Variants in DDX54 observed in about 807,000 individuals in gnomAD.
DDX54 encodes DEAD-box helicase 54, also known as ATP-dependent RNA helicase DDX54.
A neutral mutation model predicts 105.5 loss-of-function variants in DDX54; 67 were observed. That is an observed-to-expected ratio of 0.64 (90% confidence interval 0.52 to 0.78). The LOEUF is 0.78. Ranked by LOEUF, DDX54 falls within the 30% of genes least tolerant of loss-of-function variation. DDX54 has a pLI of 0.00. For missense variants in DDX54, 1,206 were observed against 1,230.5 expected (o/e 0.98, Z 0.30); for synonymous variants, 514 against 509.9 (o/e 1.01, Z -0.11).
intron 14 of DDX54, among the ~76,000 whole-genome samples, chr12:113,164,751 C>T (rs1952253316): frequency 1.3e-5 from 2 of 151,810 alleles, no homozygotes; most frequent in South Asian, 4.2e-4. Context: ...GAGACCCAGG[C>T]CAGGCACCGT....
Position 113,165,710 on chromosome 12 carries a change from AC to A in DDX54, c.1652del (p.Arg551LeufsTer10), listed in dbSNP as rs760164281. On this transcript the variant is annotated frameshift_variant, in exon 14 of 20. Coordinates refer to ENST00000306014, the MANE Select transcript of DDX54 (RefSeq NM_024072.4). LOFTEE classifies it high-confidence loss of function. ...GLGLHPLFSS[R>X]FEEEELQRLR... Reference sequence around the variant, plus strand: ...GCCGCTGCAGCTCCTCCTCCTCAAAACGCGAGCCTGGTAGGAAAGCAGCAAG... The same window carrying A: ...GCCGCTGCAGCTCCTCCTCCTCAAAAGCGAGCCTGGTAGGAAAGCAGCAAG... The A allele has an allele frequency of 6.2e-7, 1 of 1,613,260 alleles. No individual in the cohort carries two copies. The highest frequency in any genetic ancestry group is 2.2e-5 in the East Asian group (1 of 44,844).
At chr12:113,181,143 C>A in intron 1 of DDX54, 85 bp from the exon 2 acceptor site, 1 of 1,469,512 alleles carries the variant, frequency 6.8e-7, no homozygotes. Context: ...CTGTTGCCCT[C>A]TCTCCCCCAT....
At position 113,157,182 on chromosome 12, in the gene DDX54, C is replaced by T. The variant is rs1033562455; in HGVS notation, c.*1695G>A. On this transcript the variant is annotated 3_prime_UTR_variant, in exon 20 of 20. Coordinates refer to ENST00000306014, the MANE Select transcript of DDX54 (RefSeq NM_024072.4). ...GTTCACCCTCAAGTTCTAGTTTTTA[C>T]AATGGATCCATGGTATTTATTAAGT... 2 of 163,196 alleles carry T rather than the reference C, an allele frequency of 1.2e-5. No individual in the cohort carries two copies. Among genetic ancestry groups the T allele is most frequent in the African/African-American group, 2.4e-5 (1 of 41,886 alleles). 10.1% of individuals were successfully genotyped at this position (163,196 alleles called of 1,614,324 possible).
intron 19 of DDX54, 52 bp downstream of exon 19, chr12:113,161,218 C>A: frequency 6.8e-7 from 1 of 1,480,250 alleles, no homozygotes; most frequent in South Asian, 1.2e-5. Context: ...CCTAATCTGA[C>A]CACAACTGCT....
chr12:113,172,321 G>A (rs1185282661), intron 11 of DDX54, 32 bp downstream of exon 11: 1 of 1,602,676 alleles, frequency 6.2e-7, no homozygotes, highest in Admixed American at 1.7e-5. Context: ...CGGCACCCCT[G>A]CCTGCCCCAG....
rs754726744 is a variant in DDX54, at chr12:113,163,249, C to T, written c.1964G>A (p.Arg655Gln). The T allele has an allele frequency of 2.5e-5, 40 of 1,610,124 alleles. No individual in the cohort carries two copies. Among genetic ancestry groups the T allele is most frequent in the East Asian group, 1.8e-4 (8 of 44,890 alleles). The change falls in exon 16 of 20, where the codon CGG becomes CAG. Residue 655 changes from arginine (R) to glutamine (Q), a missense_variant. Coordinates refer to ENST00000306014, the MANE Select transcript of DDX54 (RefSeq NM_024072.4). This position sits in a 1 kb window ranked among gnomAD's most constrained non-coding sequence, Gnocchi z 5.9. ...GTTGGGTCCTGACCGCTGCCGCTTC[C>T]GGCCCACGACCTCTGAGAAAATGTC... The part of the protein sequence containing the change: ...VEDIFSEVVG[R>Q]KRQRSGPNRG...
intron 8 of DDX54, 39 bp downstream of exon 8, chr12:113,174,997 C>T: frequency 6.2e-7 from 1 of 1,611,796 alleles, no homozygotes. Context: ...AGGCCCCAGC[C>T]TGACCCCCAG....
intron 1 of DDX54, among the ~76,000 whole-genome samples, 199 bp downstream of exon 1, chr12:113,185,079 C>A (rs1478838834): frequency 6.6e-6 from 1 of 152,240 alleles, no homozygotes; most frequent in Non-Finnish European, 1.5e-5. Flanking sequence ...GATCCCAAGG[C>A]TCTGGCCGCG....
chr12:113,171,544 C>T (rs557164506), intron 11 of DDX54, among the ~76,000 whole-genome samples: 144 of 150,214 alleles, frequency 9.6e-4, no homozygotes, highest in African/African-American at 3.4e-3. Context: ...GTGAAGGTTG[C>T]AGTGAGCCGA....
At chr12:113,177,000 C>T (rs1401608826) in intron 6 of DDX54, 52 bp downstream of exon 6, 11 of 1,613,442 alleles carry the variant, frequency 6.8e-6, no homozygotes, top group African/African-American at 1.3e-5. Context: ...TCTCTTACAC[C>T]CCCACCACTA....
chr12:113,169,960 T>C, intron 11 of DDX54, 56 bp from the exon 12 acceptor site: 1 of 1,601,200 alleles, frequency 6.2e-7, no homozygotes, highest in Non-Finnish European at 8.5e-7. Context: ...GGACCCAGCA[T>C]GAGTTCCACA....
At chr12:113,182,111 C>A (rs1158046836) in intron 1 of DDX54, among the ~76,000 whole-genome samples, 2 of 152,128 alleles carry the variant, frequency 1.3e-5, no homozygotes, top group African/African-American at 4.8e-5. Flanking sequence ...CCCACTTAAT[C>A]CTCACAACAA....
chr12:113,182,834 G>A (rs985804448), intron 1 of DDX54, among the ~76,000 whole-genome samples: 1 of 151,666 alleles, frequency 6.6e-6, no homozygotes, highest in Non-Finnish European at 1.5e-5. Flanking sequence ...TCGGATTACA[G>A]GCATGAGCCA....
At chr12:113,162,899 G>A (rs747883603) in intron 17 of DDX54, 33 bp downstream of exon 17, 12 of 1,543,122 alleles carry the variant, frequency 7.8e-6, no homozygotes, top group Admixed American at 3.9e-5. Context: ...CACTCACCCC[G>A]AGCATGGAGG....
intron 17 of DDX54, 41 bp from the exon 18 acceptor site, chr12:113,162,038 C>T (rs1476971780): frequency 3.1e-6 from 5 of 1,596,370 alleles, no homozygotes; most frequent in East Asian, 2.2e-5. Flanking sequence ...TGGAGGGAAA[C>T]CCTTGGAGTG....
intron 11 of DDX54, among the ~76,000 whole-genome samples, chr12:113,170,781 G>A (rs1952328118): frequency 6.6e-6 from 1 of 152,154 alleles, no homozygotes; most frequent in Non-Finnish European, 1.5e-5. Context: ...GGTCCACAAA[G>A]CCTAACGTTT....
At chr12:113,184,533 GT>G (rs1278272277) in intron 1 of DDX54, among the ~76,000 whole-genome samples, 2 of 152,190 alleles carry the variant, frequency 1.3e-5, no homozygotes, top group Non-Finnish European at 1.5e-5. Context: ...ATAGTAAACG[GT>G]CAACAAACAC....
In DDX54 at chr12:113,157,472, T is replaced by C. The variant is rs1356949352; in HGVS notation, c.*1405A>G. ...CAGTCACCACCTCTGGGAACCACCA[T>C]CATCACTGTTCTTTTAATGAGGGGA... On this transcript the variant is annotated 3_prime_UTR_variant, in exon 20 of 20. Coordinates refer to ENST00000306014, the MANE Select transcript of DDX54 (RefSeq NM_024072.4). 6.9e-6 allele frequency: 5 copies of C among 726,190 alleles called. No individual in the cohort carries two copies. In the African/African-American group the frequency reaches 7.0e-5, roughly 10 times the overall value. The allele number at this position is 726,190 out of a possible 1,614,324, so 45.0% of individuals were successfully genotyped here. A position where few individuals can be genotyped will look rare whatever the true frequency, so the allele number is the denominator to read the frequency against.
chr12:113,163,225 T>G lies in DDX54; in HGVS notation c.1988A>C (p.Asn663Thr), dbSNP rs917837792. 34 of 1,611,646 alleles carry G rather than the reference T, an allele frequency of 2.1e-5. No individual in the cohort carries two copies. Among genetic ancestry groups the G allele is most frequent in the Non-Finnish European group, 2.8e-5 (33 of 1,179,990 alleles). The change falls in exon 16 of 20, where the codon AAC (asparagine) becomes ACC (threonine). Residue 663 changes from asparagine (N) to threonine (T), a missense_variant. Physicochemically the swap from Asn to Thr is moderately conservative, Grantham distance 65 (BLOSUM62 0). This residue lies in a region of DDX54 where 961 missense variants were observed against 1,019.1 expected (regional missense o/e 0.94). Transcript: ENST00000306014. This position sits in a 1 kb window ranked among gnomAD's most constrained non-coding sequence, Gnocchi z 5.9. Reference protein sequence around the residue: ...VGRKRQRSGPNRGAKRRREEA... With the variant: ...VGRKRQRSGPTRGAKRRREEA... The stretch of plus-strand genomic sequence containing the variant: ...CTCCCTCCGCCTCTTGGCTCCCCTG[T>G]TGGGTCCTGACCGCTGCCGCTTCCG...
Sources: gnomAD v4.1 joint callset for allele counts (sites outside exome capture counted in the v4.1 genomes callset) on GRCh38, gnomAD v4.1.1 for gene constraint, gnomAD v4.1.1 regional missense constraint, Gnocchi (gnomAD v3.1) non-coding constraint, MANE v1.5 for transcripts, NCBI Gene and HGNC (gene_info 2026-07-23, HGNC 2026-07-21) for gene names.